PTH2R: variants seen among roughly 807,000 people sequenced by gnomAD.
PTH2R encodes the protein PTH2 receptor.
A neutral mutation model predicts 60.3 loss-of-function variants in PTH2R; 59 were observed. The ratio of observed to expected loss-of-function variants is 0.98; its 90% CI spans 0.79 to 1.22. The LOEUF (loss-of-function observed/expected upper bound fraction) is 1.22. PTH2R is among the 50% of genes most tolerant of loss of function. The pLI is 0.00. For synonymous variants in PTH2R, 256 were observed against 243.8 expected, an observed-to-expected ratio of 1.05 and a Z score of -0.47; for missense variants, 749 against 682.6, an observed-to-expected ratio of 1.10 and a Z score of -1.08.
In PTH2R at chr2:208,450,787, C is replaced by A. The variant is rs756896646; in HGVS notation, c.892C>A (p.Arg298=). The change falls in exon 8 of 13, where the codon CGA becomes AGA. Residue 298 remains arginine, a synonymous_variant. Coordinates refer to ENST00000272847, the MANE Select transcript of PTH2R (RefSeq NM_005048.4). ...ATTTGTTGCAGCATGGGCTGTGGCA[C>A]GAGCAACTCTGGCTGATGCGAGGTG... The part of the protein sequence containing the change: ...AAFVAAWAVA[R]ATLADARCWE... The A allele has an allele frequency of 6.2e-7, 1 of 1,613,934 alleles. No homozygotes were observed. Among genetic ancestry groups the A allele is most frequent in the Non-Finnish European group, 8.5e-7 (1 of 1,179,890 alleles).
chr2:208,453,127 T>C (rs532484016), intron 8 of PTH2R, among the ~76,000 whole-genome samples: 1 of 152,330 alleles, frequency 6.6e-6, no homozygotes, highest in Non-Finnish European at 1.5e-5. Context: ...TCTAGCCTTT[T>C]GTCTTTTTAC....
At chr2:208,377,573 G>A (rs1269555345) in intron 1 of PTH2R, among the ~76,000 whole-genome samples, 4 of 147,946 alleles carry the variant, frequency 2.7e-5, no homozygotes, top group Non-Finnish European at 6.0e-5. Context: ...CTGGGACGGG[G>A]CGGCTGGCCG....
At chr2:208,490,160 T>C (rs373193428) in intron 11 of PTH2R, among the ~76,000 whole-genome samples, 1 of 152,216 alleles carries the variant, frequency 6.6e-6, no homozygotes, top group East Asian at 1.9e-4. Flanking sequence ...TTGTCTGTTT[T>C]GTTTACATTG....
chr2:208,442,994 A>T (rs1193298405), intron 5 of PTH2R, among the ~76,000 whole-genome samples: 1 of 152,100 alleles, frequency 6.6e-6, no homozygotes, highest in Non-Finnish European at 1.5e-5. Flanking sequence ...AAATACTCAG[A>T]AAAAAAAGTT....
At chr2:208,466,094 C>T (rs528796578) in intron 9 of PTH2R, 3 of 152,276 alleles carry the variant, frequency 2.0e-5, no homozygotes, top group Non-Finnish European at 2.9e-5. Flanking sequence ...TATTTTTTCA[C>T]TCACAGTCAT....
intron 1 of PTH2R, among the ~76,000 whole-genome samples, chr2:208,374,871 A>G (rs544159191): frequency 6.6e-6 from 1 of 152,212 alleles, no homozygotes; most frequent in Admixed American, 6.5e-5. Context: ...ATCAAAAAAC[A>G]TGCATTGAAC....
chr2:208,418,632 G>T (rs1171996567), intron 1 of PTH2R, among the ~76,000 whole-genome samples: 1 of 151,954 alleles, frequency 6.6e-6, no homozygotes, highest in Non-Finnish European at 1.5e-5. Flanking sequence ...ACTAAATGAG[G>T]TAGTTAGAAA....
chr2:208,360,583 G>C (rs6435454), intron 1 of PTH2R: 143,738 of 154,050 alleles, frequency 0.93, 67,545 homozygotes, highest in Non-Finnish European at 0.98. Context: ...CCGCGCTGCC[G>C]GCTCTACCTG....
intron 1 of PTH2R, among the ~76,000 whole-genome samples, chr2:208,384,903 A>T (rs1462793315): frequency 1.3e-5 from 2 of 152,194 alleles, no homozygotes; most frequent in Non-Finnish European, 2.9e-5. Context: ...ATTTTCAACC[A>T]CATATTACCA....
intron 9 of PTH2R, among the ~76,000 whole-genome samples, chr2:208,479,288 G>A (rs72973920): frequency 0.019 from 2,900 of 152,228 alleles, 45 homozygotes; most frequent in Admixed American, 0.034. Flanking sequence ...TTGGTCCTGG[G>A]TCTTTTAATA....
At position 208,493,635 on chromosome 2, in the gene PTH2R, A is replaced by G; in HGVS notation, c.1629A>G (p.Gln543=). ...CTAACCCAGACACTGAAGGATGCCA[A>G]GGAGAAACTGAGGATGTTCTCTGAA... ...MESNPDTEGC[Q]GETEDVL The change falls in exon 13 of 13, where the codon CAA becomes CAG. Residue 543 remains glutamine, a synonymous_variant. Coordinates refer to ENST00000272847, the MANE Select transcript of PTH2R (RefSeq NM_005048.4). The G allele has an allele frequency of 6.4e-7, 1 of 1,560,534 alleles. No homozygotes were observed. Among genetic ancestry groups the G allele is most frequent in the Non-Finnish European group, 8.7e-7 (1 of 1,149,678 alleles).
rs1211919738 is a variant in PTH2R, at chr2:208,437,778, G to A, written c.308G>A (p.Cys103Tyr). 8.7e-6 allele frequency: 14 copies of A among 1,613,400 alleles called. No homozygotes were observed. Among genetic ancestry groups the A allele is most frequent in the Middle Eastern group, 1.7e-4 (1 of 6,056 alleles). ...FNHKGVAFRH[C>Y]NPNGTWDFMH... Reference sequence around the variant, plus strand: ...TTTACAGGAGTTGCTTTCCGACACTGTAACCCCAATGGAACATGGGATTTT... The same window carrying A: ...TTTACAGGAGTTGCTTTCCGACACTATAACCCCAATGGAACATGGGATTTT... Residue 103 changes from cysteine (C) to tyrosine (Y), a missense_variant, in exon 4 of 13, where the codon TGT (cysteine) becomes TAT (tyrosine). By Grantham distance (194) the Cys-to-Tyr change is radical. Transcript: ENST00000272847.
chr2:208,448,633 CA>C (rs556508253), intron 7 of PTH2R, among the ~76,000 whole-genome samples: 46 of 123,304 alleles, frequency 3.7e-4, no homozygotes, highest in Admixed American at 7.6e-4. Flanking sequence ...GAATCCGTCT[CA>C]AAAAAAAAAA....
chr2:208,383,790 T>A (rs1397460178), intron 1 of PTH2R, among the ~76,000 whole-genome samples: 2 of 152,232 alleles, frequency 1.3e-5, no homozygotes, highest in Non-Finnish European at 2.9e-5. Flanking sequence ...ATCACTTCCC[T>A]GCTGAGACTC....
intron 8 of PTH2R, among the ~76,000 whole-genome samples, chr2:208,456,553 C>A (rs1368343302): frequency 6.6e-6 from 1 of 152,206 alleles, no homozygotes; most frequent in East Asian, 1.9e-4. Flanking sequence ...GGGTCAGCTT[C>A]TTTCGCTTCT....
chr2:208,404,448 A>G (rs1181497293), upstream of PTH2R, among the ~76,000 whole-genome samples: 5 of 152,192 alleles, frequency 3.3e-5, no homozygotes, highest in African/African-American at 4.8e-5. Flanking sequence ...TTAATTACTG[A>G]GTATTTCCAT....
intron 1 of PTH2R, among the ~76,000 whole-genome samples, chr2:208,408,703 A>G (rs1701470484): frequency 6.8e-6 from 1 of 147,588 alleles, no homozygotes; most frequent in Non-Finnish European, 1.5e-5. Context: ...GAAAGAAAGA[A>G]AAGAAAGAGA....
chr2:208,406,509 C>T (rs1435624209), upstream of PTH2R, among the ~76,000 whole-genome samples: 2 of 152,136 alleles, frequency 1.3e-5, no homozygotes, highest in South Asian at 2.1e-4. Flanking sequence ...GGTCAGCGCA[C>T]GCAGGACAGG....
At chr2:208,387,609 A>G (rs976209675) in intron 1 of PTH2R, among the ~76,000 whole-genome samples, 2 of 152,138 alleles carry the variant, frequency 1.3e-5, no homozygotes, top group African/African-American at 4.8e-5. Context: ...TAAAAATGTG[A>G]CTCTGTTTTT....
Sources: allele counts gnomAD v4.1 joint callset (sites outside exome capture counted in the v4.1 genomes callset), GRCh38; gene constraint gnomAD v4.1.1; transcripts MANE v1.5; gene names NCBI Gene and HGNC (gene_info 2026-07-23, HGNC 2026-07-21).